Variants in ATM observed in about 807,000 individuals in gnomAD.
The protein encoded by ATM is serine-protein kinase ATM.
In ATM, 308 loss-of-function variants were observed where a neutral mutation model predicts 387.0. That is an observed-to-expected ratio of 0.80 (90% CI 0.73 to 0.87). ATM has a LOEUF of 0.87. Ranked by LOEUF, ATM falls within the 40% of genes least tolerant of loss-of-function variation. ATM has a pLI of 0.00. For synonymous variants in ATM, 1,156 were observed against 1,187.3 expected (o/e 0.97, Z 0.54); for missense variants, 3,312 against 3,560.9 (o/e 0.93, Z 1.78).
intron 3 of ATM, among the ~76,000 whole-genome samples, chr11:108,228,138 A>G (rs2078838389): frequency 2.0e-5 from 3 of 151,934 alleles, no homozygotes. Flanking sequence ...CAAAATTGAG[A>G]GAGAATTTCT....
intron 22 of ATM, among the ~76,000 whole-genome samples, chr11:108,276,636 C>T (rs933588993): frequency 2.6e-5 from 4 of 152,284 alleles, no homozygotes; most frequent in Non-Finnish European, 2.9e-5. Flanking sequence ...TGCAGATCTG[C>T]TGGAGTTTGC....
At chr11:108,329,928 C>T (rs1484677287) in intron 49 of ATM, among the ~76,000 whole-genome samples, 1 of 152,138 alleles carries the variant, frequency 6.6e-6, no homozygotes, top group Non-Finnish European at 1.5e-5. Flanking sequence ...AATTAAATCC[C>T]TTTATTTAAG....
At chr11:108,319,860 A>C in intron 43 of ATM, 94 bp from the exon 44 acceptor site, 1 of 862,940 alleles carries the variant, frequency 1.2e-6, no homozygotes. Context: ...AGAAATGTTA[A>C]TTTAAAAATT....
Position 108,312,465 on chromosome 11 carries a change from A to C in ATM, c.5973A>C (p.Glu1991Asp), listed in dbSNP as rs587782274. Residue 1991 changes from glutamate to aspartate, a missense_variant, in exon 40 of 63, where the codon GAA (glutamate) becomes GAC (aspartate). By Grantham distance (45) the Glu-to-Asp change is conservative. This residue lies in a region of ATM where 1,405 missense variants were observed against 1,604.4 expected (regional missense o/e 0.88). Coordinates refer to ENST00000675843, the MANE Select transcript of ATM (RefSeq NM_000051.4). ...SQSTTISSLSEKSKEETGISL... is the reference protein window; with the variant it reads ...SQSTTISSLSDKSKEETGISL... ...GTACAACTATTTCTAGCTTGAGTGA[A>C]AAAAGTAAAGAAGAAACTGGAATAA... 3 of 1,593,914 alleles carry C rather than the reference A, an allele frequency of 1.9e-6. No individual in the cohort carries two copies. Among genetic ancestry groups the C allele is most frequent in the Non-Finnish European group, 2.6e-6 (3 of 1,161,926 alleles).
chr11:108,240,655 A>G (rs1228532879), intron 5 of ATM, among the ~76,000 whole-genome samples: 1 of 151,764 alleles, frequency 6.6e-6, no homozygotes, highest in East Asian at 1.9e-4. Flanking sequence ...AGGTACAGTA[A>G]AAGTATAGTA....
intron 1 of ATM, chr11:108,227,291 G>A (rs964555266): frequency 3.8e-5 from 9 of 236,168 alleles, no homozygotes; most frequent in East Asian, 1.1e-4. Flanking sequence ...GATTACAGGC[G>A]TGAGCCACTG....
intron 5 of ATM, among the ~76,000 whole-genome samples, chr11:108,239,956 T>C (rs943181291): frequency 2.0e-5 from 3 of 152,230 alleles, no homozygotes; most frequent in African/African-American, 7.2e-5. Context: ...TTTCCATTTT[T>C]TTAAATTGAC....
At chr11:108,244,374 A>T (rs1481995094) in intron 6 of ATM, among the ~76,000 whole-genome samples, 1 of 152,194 alleles carries the variant, frequency 6.6e-6, no homozygotes, top group African/African-American at 2.4e-5. Flanking sequence ...AATATCCTCT[A>T]AGTCATTGCA....
In ATM at chr11:108,271,112, A is replaced by G. The variant is rs374353016; in HGVS notation, c.2887A>G (p.Met963Val). Reference sequence around the variant, plus strand: ...TCCTGGAGAAGAGTACCCCTTGCCAATGGAAGATGTTCTTGAACTTCTGAA... The same window carrying G: ...TCCTGGAGAAGAGTACCCCTTGCCAGTGGAAGATGTTCTTGAACTTCTGAA... The part of the protein sequence containing the change: ...ELPGEEYPLP[M>V]EDVLELLKPL... Residue 963 changes from methionine (M) to valine (V), a missense_variant, in exon 19 of 63, where the codon ATG (methionine) becomes GTG (valine). This residue lies in a region of ATM where 1,791 missense variants were observed against 1,804.5 expected (regional missense o/e 0.99). Coordinates refer to ENST00000675843, the MANE Select transcript of ATM (RefSeq NM_000051.4). 52 of 1,614,122 alleles carry G rather than the reference A, an allele frequency of 3.2e-5. No individual in the cohort carries two copies. The African/African-American group carries it at 4.7e-4, about 14-fold the overall frequency.
At chr11:108,278,422 T>C (rs1469356953) in intron 22 of ATM, among the ~76,000 whole-genome samples, 1 of 152,166 alleles carries the variant, frequency 6.6e-6, no homozygotes, top group African/African-American at 2.4e-5. Context: ...TTAAAAAAAC[T>C]GAAGATTCAA....
intron 18 of ATM, among the ~76,000 whole-genome samples, 188 bp from the exon 19 acceptor site, chr11:108,270,876 A>G (rs1216123760): frequency 6.6e-6 from 1 of 151,960 alleles, no homozygotes; most frequent in African/African-American, 2.4e-5. Flanking sequence ...TTGTGTTTTT[A>G]GTAGAGATGG....
At chr11:108,258,923 G>A (rs1404206419) in intron 15 of ATM, 63 bp from the exon 16 acceptor site, 1 of 1,343,388 alleles carries the variant, frequency 7.4e-7, no homozygotes, top group Middle Eastern at 1.8e-4. Flanking sequence ...AGAAAACACT[G>A]TCTGCCAAGA....
chr11:108,358,198 A>G (rs1224710396), intron 61 of ATM, among the ~76,000 whole-genome samples: 1 of 151,466 alleles, frequency 6.6e-6, no homozygotes, highest in African/African-American at 2.4e-5. Flanking sequence ...GGTATCAGCG[A>G]TGGAAGATGA....
chr11:108,239,936 A>G (rs55985317), intron 5 of ATM, among the ~76,000 whole-genome samples: 16,254 of 152,230 alleles, frequency 0.11, 1,217 homozygotes, highest in Non-Finnish European at 0.14. Flanking sequence ...CAGTTTCTCA[A>G]ACCTAGTGGT....
chr11:108,267,491 T>A (rs540455024), intron 17 of ATM, 149 bp downstream of exon 17: 1 of 583,036 alleles, frequency 1.7e-6, no homozygotes, highest in South Asian at 2.9e-5. Context: ...TACTTTATTT[T>A]TTTTTTATTT....
chr11:108,353,244 GT>G (rs1161255595), intron 59 of ATM, among the ~76,000 whole-genome samples: 1 of 152,010 alleles, frequency 6.6e-6, no homozygotes, highest in Non-Finnish European at 1.5e-5. Context: ...CACCTCCCAG[GT>G]TCAAGTGATT....
chr11:108,274,295 T>G (rs146533206), intron 22 of ATM, among the ~76,000 whole-genome samples: 3 of 152,332 alleles, frequency 2.0e-5, no homozygotes, highest in African/African-American at 7.2e-5. Context: ...TTTGTTAATC[T>G]TTTCAAAAAA....
intron 37 of ATM, among the ~76,000 whole-genome samples, 194 bp from the exon 38 acceptor site, chr11:108,307,703 T>C (rs1311718061): frequency 1.3e-5 from 2 of 152,182 alleles, no homozygotes; most frequent in Non-Finnish European, 2.9e-5. Flanking sequence ...CAATGTAAGT[T>C]CTCACTTTTT....
intron 61 of ATM, among the ~76,000 whole-genome samples, chr11:108,359,654 G>T (rs1017968489): frequency 6.6e-6 from 1 of 152,020 alleles, no homozygotes; most frequent in African/African-American, 2.4e-5. Flanking sequence ...ACTCAAAACC[G>T]CTCAACTACA....
Sources: gnomAD v4.1 joint callset for allele counts (sites outside exome capture counted in the v4.1 genomes callset) on GRCh38, gnomAD v4.1.1 for gene constraint, gnomAD v4.1.1 regional missense constraint, MANE v1.5 for transcripts, NCBI Gene and HGNC (gene_info 2026-07-23, HGNC 2026-07-21) for gene names.